Variants in CCDC91 observed in about 807,000 individuals in gnomAD.
The protein encoded by CCDC91 is coiled-coil domain-containing protein 91.
In CCDC91, 48 loss-of-function variants were observed where a neutral mutation model predicts 63.2. That is an observed-to-expected ratio of 0.76 (90% CI 0.60 to 0.97). CCDC91 has a LOEUF of 0.97. Ranked by LOEUF, CCDC91 falls within the 50% of genes least tolerant of loss-of-function variation. CCDC91 has a pLI of 0.00. For missense variants in CCDC91, 500 were observed against 494.6 expected, an observed-to-expected ratio of 1.01 and a Z score of -0.10; for synonymous variants, 167 against 165.8, an observed-to-expected ratio of 1.01 and a Z score of -0.06.
At chr12:28,207,413 T>C (rs929080496) in intron 1 of CCDC91, among the ~76,000 whole-genome samples, 1 of 152,200 alleles carries the variant, frequency 6.6e-6, no homozygotes, top group African/African-American at 2.4e-5. Flanking sequence ...TCTCTGATGT[T>C]CTCAGAAGAT....
chr12:28,468,454 T>G (rs1011560372), intron 11 of CCDC91, among the ~76,000 whole-genome samples: 1 of 151,710 alleles, frequency 6.6e-6, no homozygotes, highest in Admixed American at 6.6e-5. Flanking sequence ...TAAGAAAAAG[T>G]CTCTCAGTAA....
chr12:28,548,329 G>C (rs763228682), intron 12 of CCDC91, among the ~76,000 whole-genome samples: 10 of 152,082 alleles, frequency 6.6e-5, no homozygotes, highest in Non-Finnish European at 1.2e-4. Context: ...GAGTGCAGTG[G>C]CGCAATCTTG....
intron 7 of CCDC91, among the ~76,000 whole-genome samples, chr12:28,390,446 A>G (rs1385374212): frequency 6.6e-6 from 1 of 152,184 alleles, no homozygotes; most frequent in Non-Finnish European, 1.5e-5. Flanking sequence ...TAGAGTTTAT[A>G]AATAGCATGA....
chr12:28,335,443 G>C (rs1941898575), intron 6 of CCDC91, among the ~76,000 whole-genome samples: 1 of 146,652 alleles, frequency 6.8e-6, no homozygotes, highest in South Asian at 2.1e-4. Context: ...TTGAGACCAG[G>C]TCTTGCTCTG....
chr12:28,272,411 A>T (rs1947837486), intron 3 of CCDC91, among the ~76,000 whole-genome samples: 1 of 145,538 alleles, frequency 6.9e-6, no homozygotes, highest in African/African-American at 2.5e-5. Flanking sequence ...GTGTTAGTAA[A>T]GTCGCTTTTT....
chr12:28,516,931 T>C (rs574251548), intron 12 of CCDC91, among the ~76,000 whole-genome samples: 16 of 152,056 alleles, frequency 1.1e-4, no homozygotes, highest in South Asian at 4.1e-4. Flanking sequence ...TTGGAGGGGA[T>C]ATTCAAACCA....
At chr12:28,406,754 A>T (rs1466165314) in intron 8 of CCDC91, among the ~76,000 whole-genome samples, 5 of 95,220 alleles carry the variant, frequency 5.3e-5, no homozygotes, top group Non-Finnish European at 9.0e-5. Context: ...TTTAATTCAT[A>T]GTTTATGAAT....
At chr12:28,361,546 A>G (rs1943886034) in intron 6 of CCDC91, among the ~76,000 whole-genome samples, 1 of 151,388 alleles carries the variant, frequency 6.6e-6, no homozygotes, top group African/African-American at 2.4e-5. Flanking sequence ...ATTTTCCATC[A>G]TATTAAATAT....
At chr12:28,316,237 C>T (rs1437311617) in intron 6 of CCDC91, among the ~76,000 whole-genome samples, 1 of 151,590 alleles carries the variant, frequency 6.6e-6, no homozygotes, top group African/African-American at 2.4e-5. Flanking sequence ...ATGGTGACTC[C>T]TGTTATTTGT....
At chr12:28,384,695 A>G (rs1359115891) in intron 7 of CCDC91, among the ~76,000 whole-genome samples, 1 of 152,152 alleles carries the variant, frequency 6.6e-6, no homozygotes, top group Non-Finnish European at 1.5e-5. Context: ...AGCTAAGACA[A>G]ATGGAAACAA....
At chr12:28,441,604 CATAT>C (rs3037229) in intron 8 of CCDC91, among the ~76,000 whole-genome samples, 309 of 147,790 alleles carry the variant, frequency 2.1e-3, no homozygotes, top group African/African-American at 7.2e-3. Context: ...TGTATGTATA[CATAT>C]ATATATATAT....
intron 1 of CCDC91, among the ~76,000 whole-genome samples, chr12:28,216,986 A>G (rs1481905417): frequency 3.9e-5 from 6 of 152,294 alleles, no homozygotes; most frequent in African/African-American, 1.2e-4. Context: ...TGTATGAACT[A>G]GTATATGGAT....
At chr12:28,325,554 G>A (rs1469213990) in intron 6 of CCDC91, among the ~76,000 whole-genome samples, 1 of 151,722 alleles carries the variant, frequency 6.6e-6, no homozygotes, top group Non-Finnish European at 1.5e-5. Flanking sequence ...CAAGGTAAAG[G>A]ATACATTGTG....
At chr12:28,458,243 GATA>G (rs1038125154) in intron 11 of CCDC91, among the ~76,000 whole-genome samples, 2 of 151,782 alleles carry the variant, frequency 1.3e-5, no homozygotes, top group East Asian at 1.9e-4. Context: ...TAATCTAGAT[GATA>G]ATAAAATCAT....
intron 3 of CCDC91, among the ~76,000 whole-genome samples, chr12:28,279,851 C>A (rs1948484237): frequency 6.6e-6 from 1 of 150,688 alleles, no homozygotes; most frequent in Admixed American, 6.6e-5. Context: ...GATTAAAAAA[C>A]AATATATTTT....
At chr12:28,545,046 G>A (rs1018080598) in intron 12 of CCDC91, among the ~76,000 whole-genome samples, 2 of 151,992 alleles carry the variant, frequency 1.3e-5, no homozygotes, top group African/African-American at 4.8e-5. Flanking sequence ...TTTCAGATAT[G>A]TGTAAGAGCT....
chr12:28,339,437 A>T (rs1327116906), intron 6 of CCDC91, among the ~76,000 whole-genome samples: 1 of 152,108 alleles, frequency 6.6e-6, no homozygotes, highest in Non-Finnish European at 1.5e-5. Flanking sequence ...ACATGTGGCT[A>T]GATGTGATCA....
At position 28,215,346 on chromosome 12, in the gene CCDC91, CTCTT is replaced by C. The variant is rs530823309; in HGVS notation, c.-15+24707_-15+24710del. Reference sequence around the variant, plus strand: ...GCCAATTTCTGAAATTAATGTTTCTCTCTTTATTTATATACACACATATACCTCC... The same window carrying C: ...GCCAATTTCTGAAATTAATGTTTCTCTATTTATATACACACATATACCTCC... On this transcript the variant is annotated intron_variant, in intron 1 of 12. Coordinates refer to ENST00000536442, the MANE Select transcript of CCDC91 (RefSeq NM_018318.5). Among the ~76,000 whole-genome samples, 9 of 152,244 alleles carry C rather than the reference CTCTT, an allele frequency of 5.9e-5. No individual in the cohort carries two copies. The South Asian group carries it at 1.5e-3, about 25-fold the overall frequency.
intron 11 of CCDC91, among the ~76,000 whole-genome samples, chr12:28,470,997 A>T (rs905771469): frequency 1.3e-5 from 2 of 152,162 alleles, no homozygotes; most frequent in African/African-American, 4.8e-5. Context: ...AAAATTAGAC[A>T]ATCAATTCAA....
Sources: allele counts gnomAD v4.1 joint callset (sites outside exome capture counted in the v4.1 genomes callset), GRCh38; gene constraint gnomAD v4.1.1; transcripts MANE v1.5; gene names NCBI Gene and HGNC (gene_info 2026-07-23, HGNC 2026-07-21).